Variants in LRRC7 observed in about 807,000 individuals in gnomAD.
The protein encoded by LRRC7 is leucine-rich repeat-containing protein 7.
Under a neutral mutation model 175.7 loss-of-function variants are expected in LRRC7, and 23 were observed. The ratio of observed to expected loss-of-function variants is 0.13; its 90% CI spans 0.09 to 0.19. The LOEUF (loss-of-function observed/expected upper bound fraction) is 0.19, where lower values mean the gene tolerates loss of function less well. LRRC7 is among the 10% of genes least tolerant of loss of function. The pLI is 1.00. For synonymous variants in LRRC7, 685 were observed against 680.9 expected, an observed-to-expected ratio of 1.01 and a Z score of -0.09; for missense variants, 1,354 against 1,904.7, an observed-to-expected ratio of 0.71 and a Z score of 5.38.
chr1:69,778,641 T>A (rs1438036734), intron 3 of LRRC7, among the ~76,000 whole-genome samples: 1 of 152,050 alleles, frequency 6.6e-6, no homozygotes. Flanking sequence ...TTAGAGAACA[T>A]GGAACTAGCT....
intron 2 of LRRC7, among the ~76,000 whole-genome samples, chr1:69,687,520 C>CAAAAAAAAAAAAAAAAAAAAAAAAAAA (rs551726376): frequency 6.7e-4 from 65 of 96,658 alleles, no homozygotes; most frequent in Non-Finnish European, 8.6e-4. Context: ...AAGAAAAAAC[C>CAAAAAAAAAAAAAAAAAAAAAAAAAAA]AAAAAAAAAA....
At chr1:69,768,266 T>G (rs971314175) in intron 3 of LRRC7, among the ~76,000 whole-genome samples, 2 of 152,200 alleles carry the variant, frequency 1.3e-5, no homozygotes, top group Non-Finnish European at 2.9e-5. Flanking sequence ...ACAACTGTGC[T>G]GGAGCAGTTT....
At chr1:69,849,152 C>T (rs1301228474) in intron 7 of LRRC7, among the ~76,000 whole-genome samples, 1 of 151,756 alleles carries the variant, frequency 6.6e-6, no homozygotes, top group East Asian at 1.9e-4. Context: ...ATTTTATGAG[C>T]AAGATTAGAA....
intron 2 of LRRC7, among the ~76,000 whole-genome samples, chr1:69,696,529 G>A (rs1351420658): frequency 6.6e-6 from 1 of 152,112 alleles, no homozygotes; most frequent in Non-Finnish European, 1.5e-5. Context: ...ATTGTATTTT[G>A]CAATGTGAGA....
chr1:69,778,884 A>G (rs952221968), intron 3 of LRRC7, among the ~76,000 whole-genome samples: 1 of 149,424 alleles, frequency 6.7e-6, no homozygotes, highest in African/African-American at 2.4e-5. Flanking sequence ...ACACACACAT[A>G]CACACACACA....
intron 1 of LRRC7, among the ~76,000 whole-genome samples, chr1:69,661,104 G>A (rs1657400270): frequency 1.3e-5 from 2 of 151,936 alleles, no homozygotes; most frequent in Non-Finnish European, 2.9e-5. Context: ...AGTTTAAAGG[G>A]GAAGTGTTAT....
intron 5 of LRRC7, among the ~76,000 whole-genome samples, chr1:69,829,128 A>T (rs1164546797): frequency 2.0e-5 from 3 of 151,958 alleles, no homozygotes; most frequent in Non-Finnish European, 4.4e-5. Flanking sequence ...GTAGTCATTC[A>T]ATCATTAGAG....
chr1:69,756,228 A>G (rs1029579176), intron 2 of LRRC7, among the ~76,000 whole-genome samples: 1 of 152,016 alleles, frequency 6.6e-6, no homozygotes, highest in South Asian at 2.1e-4. Flanking sequence ...AATAGACTAA[A>G]AAGACAAAAA....
intron 8 of LRRC7, among the ~76,000 whole-genome samples, chr1:69,940,750 A>T (rs1648625285): frequency 6.6e-6 from 1 of 152,126 alleles, no homozygotes; most frequent in African/African-American, 2.4e-5. Flanking sequence ...TAGGAGTTGT[A>T]AATCACCCCA....
chr1:69,733,771 A>G (rs748474172), intron 2 of LRRC7, among the ~76,000 whole-genome samples: 1 of 151,986 alleles, frequency 6.6e-6, no homozygotes, highest in Non-Finnish European at 1.5e-5. Flanking sequence ...GCCTTTGCTA[A>G]AAATGTCATT....
chr1:69,826,749 G>A (rs185105236), intron 5 of LRRC7, among the ~76,000 whole-genome samples: 69 of 152,184 alleles, frequency 4.5e-4, no homozygotes, highest in Non-Finnish European at 7.4e-4. Context: ...AGGGGAAACC[G>A]AAGCCCATTG....
At chr1:69,771,595 CA>C (rs1672246642) in intron 3 of LRRC7, among the ~76,000 whole-genome samples, 1 of 152,046 alleles carries the variant, frequency 6.6e-6, no homozygotes, top group African/African-American at 2.4e-5. Flanking sequence ...AGAAATGATA[CA>C]AAAAACTCAA....
rs1646397062 is a variant in LRRC7, at chr1:69,568,000, G to A, written c.-640G>A. On this transcript the variant is annotated 5_prime_UTR_variant, in exon 1 of 27. Coordinates refer to ENST00000651989, the MANE Select transcript of LRRC7 (RefSeq NM_001370785.2). ...GGGTGAACACCGGGCTTGAAGCCAC[G>A]GACACCCAGCCCCAGTGCAGCGGGT... is the stretch of plus-strand genomic sequence containing the variant. Among the ~76,000 whole-genome samples, 1 of 152,026 alleles carries A rather than the reference G, an allele frequency of 6.6e-6. No homozygotes were observed. The highest frequency in any genetic ancestry group is 1.5e-5 in the Non-Finnish European group (1 of 68,014).
At position 70,076,371 on chromosome 1, in the gene LRRC7, C is replaced by T. The variant is rs1259430953; in HGVS notation, c.4452+73C>T. Reference sequence around the variant, plus strand: ...CCAAAGAATCCATGGTTGGCCTTCCCTCATTAATGTGGTCCAGGACACAAT... The same window carrying T: ...CCAAAGAATCCATGGTTGGCCTTCCTTCATTAATGTGGTCCAGGACACAAT... On this transcript the variant is annotated intron_variant, in intron 24 of 26. Transcript: ENST00000651989. 4.4e-6 allele frequency: 6 copies of T among 1,355,560 alleles called. No individual in the cohort carries two copies. The African/African-American group carries it at 5.8e-5, about 13-fold the overall frequency. The allele number at this position is 1,355,560 out of a possible 1,614,324, so 84.0% of individuals were successfully genotyped here. A position where few individuals can be genotyped will look rare whatever the true frequency, so the allele number is the denominator to read the frequency against.
At chr1:70,089,220 A>G (rs1301793297) in intron 24 of LRRC7, among the ~76,000 whole-genome samples, 2 of 152,128 alleles carry the variant, frequency 1.3e-5, no homozygotes, top group Non-Finnish European at 2.9e-5. Flanking sequence ...AAAAGATCTA[A>G]TATTCCTAAA....
intron 1 of LRRC7, among the ~76,000 whole-genome samples, chr1:69,585,922 G>T (rs1646384824): frequency 6.6e-6 from 1 of 152,112 alleles, no homozygotes; most frequent in Non-Finnish European, 1.5e-5. Flanking sequence ...GACTGCTTTT[G>T]CTTCTTTTAT....
At chr1:70,067,495 C>G (rs1662065365) in intron 23 of LRRC7, among the ~76,000 whole-genome samples, 1 of 152,094 alleles carries the variant, frequency 6.6e-6, no homozygotes, top group Non-Finnish European at 1.5e-5. Context: ...GTGTCTATCC[C>G]TCTGCAAATA....
intron 18 of LRRC7, among the ~76,000 whole-genome samples, chr1:70,035,832 C>A (rs1055245015): frequency 6.6e-6 from 1 of 151,984 alleles, no homozygotes; most frequent in African/African-American, 2.4e-5. Context: ...TCCCAGAGGG[C>A]ACCAGCCACA....
chr1:70,070,140 C>T (rs975860627), intron 23 of LRRC7, among the ~76,000 whole-genome samples: 52 of 152,008 alleles, frequency 3.4e-4, no homozygotes, highest in Non-Finnish European at 5.1e-4. Context: ...ACTACAGGCA[C>T]GCATCACCAC....
Sources: gnomAD v4.1 joint callset for allele counts (sites outside exome capture counted in the v4.1 genomes callset) on GRCh38, gnomAD v4.1.1 for gene constraint, MANE v1.5 for transcripts, NCBI Gene and HGNC (gene_info 2026-07-23, HGNC 2026-07-21) for gene names.